GPC5: variants seen among roughly 807,000 people sequenced by gnomAD.
GPC5 encodes glypican 5.
Under a neutral mutation model 53.9 loss-of-function variants are expected in GPC5, and 47 were observed. The ratio of observed to expected loss-of-function variants is 0.87; its 90% CI spans 0.69 to 1.11. GPC5 has a LOEUF of 1.11. Among genes scored for constraint, GPC5 ranks in the 50% most tolerant of loss-of-function variants. The probability of loss-of-function intolerance (pLI) is 0.00; values close to 1 mark genes in which losing one functional copy is unlikely to be tolerated. For missense variants in GPC5, 748 were observed against 713.1 expected (o/e 1.05, Z -0.56); for synonymous variants, 286 against 263.3 (o/e 1.09, Z -0.84).
intron 1 of GPC5, among the ~76,000 whole-genome samples, chr13:91,436,256 C>T (rs963591398): frequency 6.6e-6 from 1 of 151,976 alleles, no homozygotes; most frequent in African/African-American, 2.4e-5. Flanking sequence ...TCTTGCTTCT[C>T]TAGTTCTTTT....
chr13:92,253,443 G>C (rs2042705823), intron 7 of GPC5, among the ~76,000 whole-genome samples: 1 of 151,782 alleles, frequency 6.6e-6, no homozygotes, highest in Non-Finnish European at 1.5e-5. Context: ...AAAAAAAATA[G>C]ATATGAGACC....
At chr13:92,827,517 A>G (rs928957082) in intron 7 of GPC5, among the ~76,000 whole-genome samples, 5 of 152,152 alleles carry the variant, frequency 3.3e-5, no homozygotes, top group African/African-American at 1.2e-4. Flanking sequence ...TGTCTTCTTC[A>G]CGTTTTCCAG....
chr13:92,377,170 T>C (rs35351158), intron 7 of GPC5, among the ~76,000 whole-genome samples: 1 of 152,298 alleles, frequency 6.6e-6, no homozygotes, highest in East Asian at 1.9e-4. Flanking sequence ...AATGCTACCA[T>C]CATATTTTGC....
In GPC5 at chr13:91,407,471, A is replaced by G. The variant is rs61061824; in HGVS notation, c.163+8262A>G. Among the ~76,000 whole-genome samples the G allele has an allele frequency of 1.8e-3, 269 of 152,342 alleles. 1 individual carries two copies. The highest frequency in any genetic ancestry group is 6.3e-3 in the African/African-American group (260 of 41,564). ...TAGTGGGGTGACTGATCTGCCTTAC[A>G]GCATTGATCTGTTGTTGAGAGAATG... On this transcript the variant is annotated intron_variant, in intron 1 of 7. Transcript: ENST00000377067.
At chr13:92,419,026 T>C (rs567092864) in intron 7 of GPC5, among the ~76,000 whole-genome samples, 1 of 152,326 alleles carries the variant, frequency 6.6e-6, no homozygotes, top group South Asian at 2.1e-4. Flanking sequence ...ACGTGGCTTA[T>C]AAGATGTGCA....
intron 6 of GPC5, among the ~76,000 whole-genome samples, chr13:92,003,506 A>G (rs1278613783): frequency 6.6e-6 from 1 of 152,094 alleles, no homozygotes; most frequent in African/African-American, 2.4e-5. Flanking sequence ...TATTAGAGTT[A>G]AACTCTATAT....
rs142678218 is a variant in GPC5 at position 91,689,720 on chromosome 13, G to A, written c.326-3467G>A. 4.2e-3 allele frequency among the ~76,000 whole-genome samples: 630 copies of A among 151,560 alleles called. 9 individuals are homozygous for A. Among genetic ancestry groups the A allele is most frequent in the African/African-American group, 0.015 (608 of 41,280 alleles). The stretch of plus-strand genomic sequence containing the variant: ...CAGGGTCAGGATCATCAATATCACC[G>A]TCTTCCGCCTCCACATCTTGTTGCA... On this transcript the variant is annotated intron_variant, in intron 2 of 7. Coordinates refer to ENST00000377067, the MANE Select transcript of GPC5 (RefSeq NM_004466.6).
chr13:91,749,819 T>G (rs1020126591), intron 4 of GPC5, among the ~76,000 whole-genome samples: 1 of 152,218 alleles, frequency 6.6e-6, no homozygotes, highest in Non-Finnish European at 1.5e-5. Flanking sequence ...GGAAGTGGTA[T>G]TTTTTGGAGA....
chr13:91,551,688 T>C (rs2030649515), intron 2 of GPC5, among the ~76,000 whole-genome samples: 1 of 152,100 alleles, frequency 6.6e-6, no homozygotes, highest in African/African-American at 2.4e-5. Flanking sequence ...ATGACCTTTG[T>C]TTCTTTTCTG....
chr13:92,851,708 CAT>C (rs1287146967), intron 7 of GPC5, among the ~76,000 whole-genome samples: 1 of 148,644 alleles, frequency 6.7e-6, no homozygotes, highest in Non-Finnish European at 1.5e-5. Context: ...GGTGAAACTC[CAT>C]CTCTACTAAA....
chr13:91,532,924 G>A (rs9589279), intron 2 of GPC5, among the ~76,000 whole-genome samples: 18,423 of 151,986 alleles, frequency 0.12, 1,331 homozygotes, highest in East Asian at 0.2. Flanking sequence ...TAATGGAGAA[G>A]AATGGAAAAT....
chr13:91,926,068 A>G (rs2039764306), intron 6 of GPC5, among the ~76,000 whole-genome samples: 1 of 152,178 alleles, frequency 6.6e-6, no homozygotes, highest in African/African-American at 2.4e-5. Context: ...GCATTAAAAA[A>G]TCTATGCAAA....
At chr13:92,593,830 A>T (rs1268475367) in intron 7 of GPC5, among the ~76,000 whole-genome samples, 1 of 152,218 alleles carries the variant, frequency 6.6e-6, no homozygotes, top group East Asian at 1.9e-4. Flanking sequence ...ACCTTGACAA[A>T]GGTATTTCAG....
intron 7 of GPC5, among the ~76,000 whole-genome samples, chr13:92,412,164 A>G (rs1255782601): frequency 6.6e-6 from 1 of 152,014 alleles, no homozygotes; most frequent in Admixed American, 6.6e-5. Context: ...AGTTGAAAAA[A>G]CTCTTAAAAA....
chr13:92,089,504 G>T (rs17267088), intron 6 of GPC5, among the ~76,000 whole-genome samples: 2 of 62,126 alleles, frequency 3.2e-5, no homozygotes, highest in African/African-American at 8.0e-5. Context: ...TTCCCACACG[G>T]TTTTTTTACA....
chr13:92,387,575 C>T (rs963041161), intron 7 of GPC5, among the ~76,000 whole-genome samples: 1 of 152,024 alleles, frequency 6.6e-6, no homozygotes, highest in African/African-American at 2.4e-5. Flanking sequence ...AGAGCTGGTT[C>T]TCTAAAGTTT....
At chr13:91,770,602 C>G (rs2037604543) in intron 5 of GPC5, among the ~76,000 whole-genome samples, 1 of 152,050 alleles carries the variant, frequency 6.6e-6, no homozygotes, top group African/African-American at 2.4e-5. Context: ...GTCTTAGACA[C>G]TATGTGTCAG....
At chr13:92,145,508 A>T (rs761170149) in intron 7 of GPC5, among the ~76,000 whole-genome samples, 4 of 152,064 alleles carry the variant, frequency 2.6e-5, no homozygotes, top group Non-Finnish European at 5.9e-5. Context: ...CTAAACATTG[A>T]TTTTGATTGT....
intron 7 of GPC5, among the ~76,000 whole-genome samples, chr13:92,837,662 T>A (rs1594539724): frequency 6.6e-6 from 1 of 152,084 alleles, no homozygotes; most frequent in East Asian, 1.9e-4. Flanking sequence ...AAGCAACACA[T>A]CCCTTTCAGT....
Sources: allele counts gnomAD v4.1 joint callset (sites outside exome capture counted in the v4.1 genomes callset), GRCh38; gene constraint gnomAD v4.1.1; transcripts MANE v1.5; gene names NCBI Gene and HGNC (gene_info 2026-07-23, HGNC 2026-07-21).